The following RBFOX1 variants were observed in gnomAD, a reference collection of about 807,000 sequenced individuals.
The protein encoded by RBFOX1 is RNA binding fox-1 homolog 1.
RBFOX1 carries 8 observed loss-of-function variants against 57.7 expected under a neutral mutation model. The ratio of observed to expected loss-of-function variants is 0.14; its 90% CI spans 0.08 to 0.25. The LOEUF (loss-of-function observed/expected upper bound fraction) is 0.25. Among genes scored for constraint, RBFOX1 ranks in the 10% least tolerant of loss-of-function variants. RBFOX1 has a pLI of 1.00. For missense variants in RBFOX1, 611 were observed against 548.5 expected (o/e 1.11, Z -1.14); for synonymous variants, 326 against 222.4 (o/e 1.47, Z -4.15).
intron 4 of RBFOX1, chr16:7,510,164 C>T: frequency 1.0e-6 from 1 of 985,832 alleles, no homozygotes; most frequent in Non-Finnish European, 1.2e-6. Context: ...CAGCCCCCCA[C>T]CTTCCTCAAC....
intron 4 of RBFOX1, among the ~76,000 whole-genome samples, chr16:7,343,325 A>G (rs1015011635): frequency 9.9e-5 from 15 of 152,130 alleles, no homozygotes; most frequent in South Asian, 4.1e-4. Flanking sequence ...CAAAGCTGCT[A>G]TGGATCAGTG....
intron 2 of RBFOX1, among the ~76,000 whole-genome samples, chr16:6,550,135 C>G (rs534191797): frequency 6.6e-6 from 1 of 152,090 alleles, no homozygotes; most frequent in Non-Finnish European, 1.5e-5. Flanking sequence ...GTCCCTCTCC[C>G]TCCCCTCTCT....
In RBFOX1 at chr16:6,961,145, C is replaced by T. The variant is rs12924418; in HGVS notation, c.-15-90912C>T. Among the ~76,000 whole-genome samples, 438 of 143,414 alleles carry T rather than the reference C, an allele frequency of 3.1e-3. 25 individuals carry two copies. The highest frequency in any genetic ancestry group is 4.4e-3 in the South Asian group (20 of 4,564). 94.1% of individuals were successfully genotyped at this position (143,414 alleles called of 152,430 possible). A position where few individuals can be genotyped will look rare whatever the true frequency, so the allele number is the denominator to read the frequency against. ...GCAATAGAGACTCCATCACACACAC[C>T]CACACAGACACACACACGCAAAAGA... On this transcript the variant is annotated intron_variant, in intron 3 of 15. Transcript: ENST00000550418.
intron 2 of RBFOX1, among the ~76,000 whole-genome samples, chr16:6,651,618 A>C (rs1036763248): frequency 2.0e-5 from 3 of 152,182 alleles, no homozygotes; most frequent in Non-Finnish European, 4.4e-5. Flanking sequence ...GGGATGTAAA[A>C]TGGTGCACCT....
chr16:5,551,003 C>T (rs2045440726), intron 2 of RBFOX1, among the ~76,000 whole-genome samples: 1 of 152,166 alleles, frequency 6.6e-6, no homozygotes, highest in Admixed American at 6.5e-5. Context: ...GCCCATAACT[C>T]TCTGTAATAA....
At position 6,363,768 on chromosome 16, in the gene RBFOX1, A is replaced by G. The variant is rs183257531; in HGVS notation, c.-64+46711A>G. ...GCTCTGTTCACTGACACCCAGTGACAGAACTAATAATTGTGTCCATGTAAA... is the reference window on the plus strand; with the variant it reads ...GCTCTGTTCACTGACACCCAGTGACGGAACTAATAATTGTGTCCATGTAAA... On this transcript the variant is annotated intron_variant, in intron 2 of 15. Coordinates refer to ENST00000550418, the MANE Select transcript of RBFOX1 (RefSeq NM_018723.4). Among the ~76,000 whole-genome samples the G allele has an allele frequency of 3.9e-5, 6 of 152,370 alleles. No homozygotes were observed. The East Asian group carries it at 1.2e-3, about 29-fold the overall frequency.
chr16:7,430,680 C>G (rs901227711), intron 4 of RBFOX1, among the ~76,000 whole-genome samples: 2 of 147,820 alleles, frequency 1.4e-5, no homozygotes, highest in Non-Finnish European at 3.0e-5. Flanking sequence ...AAAAAAGTAC[C>G]CACCCATTCT....
At chr16:5,949,460 A>T (rs2059473635) in intron 4 of RBFOX1, among the ~76,000 whole-genome samples, 1 of 142,696 alleles carries the variant, frequency 7.0e-6, no homozygotes. Context: ...CGGGAGGCAG[A>T]GCTTGCAGTG....
intron 1 of RBFOX1, among the ~76,000 whole-genome samples, chr16:5,396,632 ACT>A (rs2066564853): frequency 6.6e-6 from 1 of 152,076 alleles, no homozygotes; most frequent in South Asian, 2.1e-4. Flanking sequence ...ACAGAACAAG[ACT>A]CTGTCTCGAA....
chr16:6,062,621 T>TATAATATATAACATATACATATA (rs6145734), intron 1 of RBFOX1, among the ~76,000 whole-genome samples: 109,814 of 147,630 alleles, frequency 0.74, 41,311 homozygotes, highest in Non-Finnish European at 0.79. Context: ...AATATATAAA[T>TATAATATATAACATATACATATA]ATATATAACA....
intron 3 of RBFOX1, among the ~76,000 whole-genome samples, chr16:6,849,498 T>C (rs1464562316): frequency 6.6e-6 from 1 of 152,056 alleles, no homozygotes; most frequent in African/African-American, 2.4e-5. Context: ...CAAAACCCTA[T>C]CTCTACTAAA....
At chr16:6,495,018 G>C (rs1204219098) in intron 2 of RBFOX1, among the ~76,000 whole-genome samples, 1 of 152,174 alleles carries the variant, frequency 6.6e-6, no homozygotes, top group Non-Finnish European at 1.5e-5. Flanking sequence ...TAAGTAACTT[G>C]CCCAAGATTA....
At chr16:7,127,044 A>C (rs2068761919) in intron 4 of RBFOX1, among the ~76,000 whole-genome samples, 1 of 151,612 alleles carries the variant, frequency 6.6e-6, no homozygotes, top group Non-Finnish European at 1.5e-5. Flanking sequence ...TGCAGACCTA[A>C]GAGAAAATCT....
intron 1 of RBFOX1, among the ~76,000 whole-genome samples, chr16:6,076,705 A>G (rs960103844): frequency 1.1e-4 from 17 of 152,330 alleles, no homozygotes; most frequent in African/African-American, 3.8e-4. Flanking sequence ...TCAAAGACAC[A>G]GAGTCCAATG....
intron 1 of RBFOX1, among the ~76,000 whole-genome samples, chr16:6,020,571 C>T (rs1363371635): frequency 2.0e-5 from 3 of 152,092 alleles, no homozygotes; most frequent in African/African-American, 7.2e-5. Context: ...GGGGAGGGGG[C>T]CAGCCGGGAA....
intron 4 of RBFOX1, among the ~76,000 whole-genome samples, chr16:7,391,974 C>G (rs1279974191): frequency 6.6e-6 from 1 of 152,120 alleles, no homozygotes; most frequent in Non-Finnish European, 1.5e-5. Context: ...TACTTGCTGC[C>G]CTTAGAATAC....
rs186653269 is a variant in RBFOX1, at chr16:6,777,625, A to T, written c.-16+122975A>T. ...CAGAATGATGGAAATTTCACACGTT[A>T]TTCAGTGTTTTAAAAATCCAGTTTC... On this transcript the variant is annotated intron_variant, in intron 3 of 15. Coordinates refer to ENST00000550418, the MANE Select transcript of RBFOX1 (RefSeq NM_018723.4). 2.8e-3 allele frequency among the ~76,000 whole-genome samples: 432 copies of T among 152,284 alleles called. 2 individuals are homozygous for T. Among genetic ancestry groups the T allele is most frequent in the African/African-American group, 0.01 (416 of 41,554 alleles).
At chr16:7,128,992 T>G (rs2069429117) in intron 4 of RBFOX1, among the ~76,000 whole-genome samples, 1 of 151,942 alleles carries the variant, frequency 6.6e-6, no homozygotes, top group Non-Finnish European at 1.5e-5. Flanking sequence ...AGTTAATTTT[T>G]GTATTTTTAG....
intron 1 of RBFOX1, among the ~76,000 whole-genome samples, chr16:5,290,931 C>T (rs920480059): frequency 1.3e-5 from 2 of 152,182 alleles, no homozygotes; most frequent in Non-Finnish European, 2.9e-5. Context: ...ACTCCTGGAT[C>T]TCAGGTGATG....
Sources: gnomAD v4.1 joint callset for allele counts (sites outside exome capture counted in the v4.1 genomes callset) on GRCh38, gnomAD v4.1.1 for gene constraint, MANE v1.5 for transcripts, NCBI Gene and HGNC (gene_info 2026-07-23, HGNC 2026-07-21) for gene names.